The following SGCZ variants were observed in gnomAD, a reference collection of about 807,000 sequenced individuals.
The protein encoded by SGCZ is sarcoglycan zeta.
In SGCZ, 40 loss-of-function variants were observed where a neutral mutation model predicts 41.3. The ratio of observed to expected loss-of-function variants is 0.97; its 90% confidence interval spans 0.75 to 1.26. The LOEUF is 1.26. SGCZ is among the 50% of genes most tolerant of loss of function. SGCZ has a pLI of 0.00. For missense variants in SGCZ, 552 were observed against 369.8 expected, an observed-to-expected ratio of 1.49 and a Z score of -4.04; for synonymous variants, 206 against 137.5, an observed-to-expected ratio of 1.50 and a Z score of -3.49.
At chr8:14,903,222 TG>T (rs1364707877) in intron 1 of SGCZ, among the ~76,000 whole-genome samples, 4 of 152,122 alleles carry the variant, frequency 2.6e-5, no homozygotes, top group African/African-American at 9.7e-5. Flanking sequence ...ATCAAGCAAA[TG>T]TTTTTAAACA....
chr8:15,119,324 A>C (rs1485227840), intron 1 of SGCZ, among the ~76,000 whole-genome samples: 3 of 152,056 alleles, frequency 2.0e-5, no homozygotes, highest in African/African-American at 4.8e-5. Flanking sequence ...TGAGCTCAGC[A>C]ATTTGAGGCC....
At chr8:14,745,438 G>T (rs1418301578) in intron 1 of SGCZ, among the ~76,000 whole-genome samples, 1 of 152,016 alleles carries the variant, frequency 6.6e-6, no homozygotes, top group African/African-American at 2.4e-5. Flanking sequence ...TTTTTCCTTA[G>T]CCAGGAATGG....
intron 5 of SGCZ, among the ~76,000 whole-genome samples, chr8:14,163,156 T>C (rs1585192080): frequency 6.6e-6 from 1 of 152,172 alleles, no homozygotes; most frequent in African/African-American, 2.4e-5. Flanking sequence ...AGCCACTATG[T>C]CCAGCCAATA....
chr8:14,975,986 G>GTATATATATATACATATA (rs1801461859), intron 1 of SGCZ, among the ~76,000 whole-genome samples: 2 of 113,774 alleles, frequency 1.8e-5, no homozygotes, highest in African/African-American at 5.6e-5. Context: ...GTGTATGTGT[G>GTATATATATATACATATA]TATATATATA....
At chr8:14,716,372 G>A (rs1389378288) in intron 1 of SGCZ, among the ~76,000 whole-genome samples, 1 of 151,906 alleles carries the variant, frequency 6.6e-6, no homozygotes, top group East Asian at 1.9e-4. Context: ...ACTTAAAACT[G>A]TAAAATGTTA....
intron 1 of SGCZ, among the ~76,000 whole-genome samples, chr8:14,802,829 A>G (rs919958873): frequency 6.6e-6 from 1 of 152,174 alleles, no homozygotes; most frequent in Admixed American, 6.5e-5. Context: ...GTGAACTGCA[A>G]ATGGCTCATT....
At chr8:14,451,821 C>A (rs1034744945) in intron 2 of SGCZ, among the ~76,000 whole-genome samples, 1 of 152,202 alleles carries the variant, frequency 6.6e-6, no homozygotes, top group Non-Finnish European at 1.5e-5. Context: ...GTCCAGAACA[C>A]TGACAACCCC....
At chr8:14,103,527 A>G (rs1378552360) in intron 6 of SGCZ, among the ~76,000 whole-genome samples, 1 of 152,166 alleles carries the variant, frequency 6.6e-6, no homozygotes, top group African/African-American at 2.4e-5. Flanking sequence ...AGAAAGAACC[A>G]CCTCAAATGG....
At chr8:14,856,414 C>G (rs1312705418) in intron 1 of SGCZ, among the ~76,000 whole-genome samples, 1 of 152,062 alleles carries the variant, frequency 6.6e-6, no homozygotes, top group Non-Finnish European at 1.5e-5. Context: ...AGATGATAAA[C>G]ACAAAAGTTC....
chr8:14,175,361 A>G (rs148919986), intron 4 of SGCZ, among the ~76,000 whole-genome samples: 1,815 of 152,224 alleles, frequency 0.012, 19 homozygotes, highest in Middle Eastern at 0.044. Context: ...CTTTTTAATT[A>G]TAGTGGAAAA....
intron 4 of SGCZ, among the ~76,000 whole-genome samples, chr8:14,230,502 C>A (rs1160846787): frequency 6.6e-6 from 1 of 152,038 alleles, no homozygotes; most frequent in Admixed American, 6.6e-5. Flanking sequence ...GGTCACATAG[C>A]GGGCAGTTGA....
intron 3 of SGCZ, among the ~76,000 whole-genome samples, chr8:14,311,416 C>G (rs568261158): frequency 5.3e-5 from 8 of 152,196 alleles, no homozygotes; most frequent in Non-Finnish European, 7.4e-5. Flanking sequence ...GTGCATGCTA[C>G]TGACAGGAGG....
chr8:14,552,071 C>A lies in SGCZ; in HGVS notation c.234+2661G>T, dbSNP rs1435563292. Among the ~76,000 whole-genome samples the A allele has an allele frequency of 1.3e-5, 2 of 151,686 alleles. 1 individual carries two copies. Among genetic ancestry groups the A allele is most frequent in the South Asian group, 4.2e-4 (2 of 4,814 alleles). Reference sequence around the variant, plus strand: ...ATTTTGTGTAGATCAATAGTACTCCCCAAACAACTGACGCATGATTTTCTA... The same window carrying A: ...ATTTTGTGTAGATCAATAGTACTCCACAAACAACTGACGCATGATTTTCTA... On this transcript the variant is annotated intron_variant, in intron 2 of 7. Coordinates refer to ENST00000382080, the MANE Select transcript of SGCZ (RefSeq NM_139167.4).
At chr8:14,363,141 A>G (rs1167390761) in intron 2 of SGCZ, among the ~76,000 whole-genome samples, 3 of 152,170 alleles carry the variant, frequency 2.0e-5, no homozygotes, top group African/African-American at 7.2e-5. Context: ...TTGCCTTTCT[A>G]CTTCCATAAA....
At chr8:14,099,871 C>G (rs1032502118) in intron 7 of SGCZ, among the ~76,000 whole-genome samples, 1 of 149,770 alleles carries the variant, frequency 6.7e-6, no homozygotes. Context: ...AAATACTTTA[C>G]AATACTATGC....
chr8:14,666,880 C>T (rs10503510), intron 1 of SGCZ, among the ~76,000 whole-genome samples: 89,927 of 151,684 alleles, frequency 0.59, 29,054 homozygotes, highest in African/African-American at 0.84. Context: ...ATTTTAACGT[C>T]CATTAGGTAC....
chr8:15,232,324 T>C (rs1435751045), intron 1 of SGCZ, among the ~76,000 whole-genome samples: 1 of 152,134 alleles, frequency 6.6e-6, no homozygotes, highest in African/African-American at 2.4e-5. Context: ...AATATTCTTT[T>C]TTACTGGGCC....
At chr8:14,819,740 G>A (rs1802017086) in intron 1 of SGCZ, among the ~76,000 whole-genome samples, 1 of 151,960 alleles carries the variant, frequency 6.6e-6, no homozygotes, top group Non-Finnish European at 1.5e-5. Flanking sequence ...TAGAGAAGAG[G>A]GAAAAATTGT....
intron 1 of SGCZ, among the ~76,000 whole-genome samples, chr8:14,878,629 A>G (rs1427730078): frequency 6.6e-6 from 1 of 152,184 alleles, no homozygotes; most frequent in African/African-American, 2.4e-5. Flanking sequence ...ACGTATGCAT[A>G]TGGAATGACT....
Sources: allele counts gnomAD v4.1 joint callset (sites outside exome capture counted in the v4.1 genomes callset), GRCh38; gene constraint gnomAD v4.1.1; transcripts MANE v1.5; gene names NCBI Gene and HGNC (gene_info 2026-07-23, HGNC 2026-07-21).